Variants in IL1RAP observed in about 807,000 individuals in gnomAD.
The protein encoded by IL1RAP is interleukin-1 receptor accessory protein.
IL1RAP carries 35 observed loss-of-function variants against 60.7 expected under a neutral mutation model. The observed-to-expected ratio is 0.58, with a 90% confidence interval of 0.44 to 0.76. The LOEUF is 0.76. Among genes scored for constraint, IL1RAP ranks in the 30% least tolerant of loss-of-function variants. IL1RAP has a pLI of 0.00. For missense variants in IL1RAP, 572 were observed against 693.9 expected (o/e 0.82, Z 1.97); for synonymous variants, 268 against 250.9 (o/e 1.07, Z -0.64).
At chr3:190,632,147 C>T (rs1732843794) in intron 9 of IL1RAP, among the ~76,000 whole-genome samples, 1 of 152,210 alleles carries the variant, frequency 6.6e-6, no homozygotes, top group Non-Finnish European at 1.5e-5. Flanking sequence ...GGCAAGGTAT[C>T]TGTTTAACTT....
chr3:190,572,937 C>T (rs1399124909), intron 3 of IL1RAP, among the ~76,000 whole-genome samples: 1 of 46,370 alleles, frequency 2.2e-5, no homozygotes. Flanking sequence ...GATCTCGGCT[C>T]ACTGCAAGCT....
intron 1 of IL1RAP, among the ~76,000 whole-genome samples, chr3:190,522,949 A>T (rs1722215800): frequency 6.6e-6 from 1 of 152,084 alleles, no homozygotes; most frequent in Non-Finnish European, 1.5e-5. Flanking sequence ...CCCTCAGTGT[A>T]AACCTAAGGA....
intron 2 of IL1RAP, among the ~76,000 whole-genome samples, chr3:190,556,947 T>C (rs930041091): frequency 6.6e-6 from 1 of 152,126 alleles, no homozygotes; most frequent in Admixed American, 6.5e-5. Context: ...AATGGTGAGG[T>C]AGTTGTATTA....
chr3:190,605,467 C>T (rs3773949), intron 4 of IL1RAP, among the ~76,000 whole-genome samples: 5 of 152,074 alleles, frequency 3.3e-5, no homozygotes, highest in Non-Finnish European at 7.4e-5. Context: ...GCCAGGCTTG[C>T]CTTTGTTTTC....
At position 190,564,272 on chromosome 3, in the gene IL1RAP, T is replaced by G. The variant is rs775704588; in HGVS notation, c.-1-17T>G. 5 of 1,569,350 alleles carry G rather than the reference T, an allele frequency of 3.2e-6. No homozygotes were observed. The highest frequency in any genetic ancestry group is 4.4e-6 in the Non-Finnish European group (5 of 1,139,664). ...AGTAGTAAGTGATTTCCCTTACCTTTGTATTTATGGTTACAGGATGACACT... is the reference window on the plus strand; with the variant it reads ...AGTAGTAAGTGATTTCCCTTACCTTGGTATTTATGGTTACAGGATGACACT... On this transcript the variant is annotated splice_polypyrimidine_tract_variant and intron_variant, in intron 2 of 11. Coordinates refer to ENST00000447382, the MANE Select transcript of IL1RAP (RefSeq NM_002182.4).
intron 7 of IL1RAP, 89 bp downstream of exon 7, chr3:190,623,504 G>A: frequency 1.1e-6 from 1 of 919,930 alleles, no homozygotes; most frequent in Non-Finnish European, 1.8e-6. Flanking sequence ...GAAAATAGAC[G>A]ACTGTTGTAG....
exon 12 of IL1RAP, chr3:190,657,292 T>TG (rs1179178483): frequency 6.6e-6 from 1 of 152,154 alleles, no homozygotes; most frequent in African/African-American, 2.4e-5. Context: ...TTTCAGAAAA[T>TG]GGAGATTTGG....
chr3:190,649,181 A>G lies in IL1RAP; in HGVS notation c.*476A>G. On this transcript the variant is annotated 3_prime_UTR_variant, in exon 12 of 12. Transcript: ENST00000447382. ...GCCTACATTTTAGCTGAGGATAATG[A>G]ACTTTTTTCCTCATTCGGCTGTATA... 1 of 987,418 alleles carries G rather than the reference A, an allele frequency of 1.0e-6. No homozygotes were observed. The highest frequency in any genetic ancestry group is 1.2e-6 in the Non-Finnish European group (1 of 831,344). The allele number at this position is 987,418 out of a possible 1,614,324, so 61.2% of individuals were successfully genotyped here.
At position 190,524,728 on chromosome 3, in the gene IL1RAP, C is replaced by A. The variant is rs559404771; in HGVS notation, c.-89+10509C>A. On this transcript the variant is annotated intron_variant, in intron 1 of 11. Transcript: ENST00000447382. ...AAATAGCAAATGGCCAATAAGGAGGCAATGATACATAAATAAGTATATGGA... is the reference window on the plus strand; with the variant it reads ...AAATAGCAAATGGCCAATAAGGAGGAAATGATACATAAATAAGTATATGGA... Among the ~76,000 whole-genome samples the A allele has an allele frequency of 3.9e-5, 6 of 152,130 alleles. No individual in the cohort carries two copies. The South Asian group carries it at 1.2e-3, about 32-fold the overall frequency.
chr3:190,606,394 T>C (rs778865995), intron 4 of IL1RAP, among the ~76,000 whole-genome samples: 1 of 152,212 alleles, frequency 6.6e-6, no homozygotes, highest in Non-Finnish European at 1.5e-5. Context: ...GGAAGAGAGT[T>C]GGCATACATG....
At chr3:190,656,447 C>T (rs1734623000), downstream of IL1RAP, 2 of 1,537,180 alleles carry the variant, frequency 1.3e-6, no homozygotes, top group Non-Finnish European at 8.7e-7. Flanking sequence ...CATAACCAGC[C>T]CCAGTGGGAG....
intron 3 of IL1RAP, among the ~76,000 whole-genome samples, chr3:190,572,859 GTTTTTTTTT>G (rs1200775636): frequency 5.1e-5 from 2 of 39,052 alleles, no homozygotes; most frequent in Non-Finnish European, 8.7e-5. Context: ...TTAATGCTTT[GTTTTTTTTT>G]TTTTTTTTTT....
intron 1 of IL1RAP, among the ~76,000 whole-genome samples, chr3:190,524,197 A>G (rs1722317532): frequency 2.0e-5 from 3 of 151,842 alleles, no homozygotes; most frequent in Admixed American, 2.0e-4. Context: ...CATTTTTTCT[A>G]AATAGGTTGT....
intron 3 of IL1RAP, among the ~76,000 whole-genome samples, chr3:190,576,543 A>T (rs1442341933): frequency 6.6e-6 from 1 of 151,864 alleles, no homozygotes; most frequent in Non-Finnish European, 1.5e-5. Flanking sequence ...ATGCGATGCC[A>T]TTTTTTTTCA....
intron 5 of IL1RAP, among the ~76,000 whole-genome samples, chr3:190,618,655 A>AT (rs1731492949): frequency 6.6e-6 from 1 of 152,210 alleles, no homozygotes. Context: ...AGTTCTATTG[A>AT]TACTGTAAAC....
At chr3:190,522,100 T>G (rs1722070633) in intron 1 of IL1RAP, among the ~76,000 whole-genome samples, 1 of 152,138 alleles carries the variant, frequency 6.6e-6, no homozygotes, top group African/African-American at 2.4e-5. Context: ...TGGAAGATTA[T>G]ACTTCAGTTT....
Position 190,568,042 on chromosome 3 carries a change from A to G in IL1RAP, c.64+3689A>G, listed in dbSNP as rs530326404. Among the ~76,000 whole-genome samples the G allele has an allele frequency of 2.7e-4, 41 of 152,322 alleles. No homozygotes were observed. In the East Asian group the frequency reaches 6.6e-3, roughly 24 times the overall value. On this transcript the variant is annotated intron_variant, in intron 3 of 11. Coordinates refer to ENST00000447382, the MANE Select transcript of IL1RAP (RefSeq NM_002182.4). ...GGAGGTAATAAAAATAGCACCATAT[A>G]GAATATAGTGAATTTAAAAAATATT...
At position 190,572,900 on chromosome 3, in the gene IL1RAP, G is replaced by A. The variant is rs1450727413; in HGVS notation, c.64+8547G>A. Among the ~76,000 whole-genome samples the A allele has an allele frequency of 5.3e-5, 4 of 75,570 alleles. 1 individual carries two copies. The highest frequency in any genetic ancestry group is 1.0e-4 in the Non-Finnish European group (4 of 40,166). 49.6% of individuals were successfully genotyped at this position (75,570 alleles called of 152,430 possible). On this transcript the variant is annotated intron_variant, in intron 3 of 11. Coordinates refer to ENST00000447382, the MANE Select transcript of IL1RAP (RefSeq NM_002182.4). Reference sequence around the variant, plus strand: ...TTTTTTTGAGACGGAGTCTCGCTCTGTCGCCCAGGCTGGAGTGCAGTGGCG... The same window carrying A: ...TTTTTTTGAGACGGAGTCTCGCTCTATCGCCCAGGCTGGAGTGCAGTGGCG...
At chr3:190,576,137 T>TA (rs1727423877) in intron 3 of IL1RAP, among the ~76,000 whole-genome samples, 1 of 152,134 alleles carries the variant, frequency 6.6e-6, no homozygotes, top group African/African-American at 2.4e-5. Flanking sequence ...TATTTAAATG[T>TA]AAAAAACCCT....
Sources: allele counts gnomAD v4.1 joint callset (sites outside exome capture counted in the v4.1 genomes callset), GRCh38; gene constraint gnomAD v4.1.1; transcripts MANE v1.5; gene names NCBI Gene and HGNC (gene_info 2026-07-23, HGNC 2026-07-21).